The following TRIM66 variants were observed in gnomAD, a reference collection of about 807,000 sequenced individuals.
The protein encoded by TRIM66 is tripartite motif containing 66, also known as tripartite motif-containing protein 66.
A neutral mutation model predicts 148.2 loss-of-function variants in TRIM66; 99 were observed. The observed-to-expected ratio is 0.67, with a 90% CI of 0.57 to 0.79. The LOEUF (loss-of-function observed/expected upper bound fraction) is 0.79, where lower values mean the gene tolerates loss of function less well. Among genes scored for constraint, TRIM66 ranks in the 30% least tolerant of loss-of-function variants. TRIM66 has a pLI of 0.00. For synonymous variants in TRIM66, 616 were observed against 635.9 expected (o/e 0.97, Z 0.47); for missense variants, 1,666 against 1,697.9 (o/e 0.98, Z 0.33).
intron 6 of TRIM66, among the ~76,000 whole-genome samples, chr11:8,665,014 G>A (rs1351715037): frequency 2.6e-5 from 4 of 151,984 alleles, no homozygotes; most frequent in Non-Finnish European, 5.9e-5. Flanking sequence ...CCCATGTAGC[G>A]TGGCTCCATC....
At chr11:8,667,176 C>G (rs958299412) in intron 6 of TRIM66, among the ~76,000 whole-genome samples, 2 of 152,088 alleles carry the variant, frequency 1.3e-5, no homozygotes, top group African/African-American at 4.8e-5. Flanking sequence ...TTGACACATG[C>G]ATAATTCATT....
Position 8,617,956 on chromosome 11 carries a change from G to C in TRIM66, c.4167C>G (p.Ile1389Met), listed in dbSNP as rs1309161439. The C allele has an allele frequency of 1.3e-6, 2 of 1,551,616 alleles. No individual in the cohort carries two copies. Among genetic ancestry groups the C allele is most frequent in the Non-Finnish European group, 1.7e-6 (2 of 1,147,006 alleles). ...CTCCTTTTGGCTCTCACACCTGAGA[G>C]ATGCTGTTGGCCAGGCGAAATGACA... The part of the protein sequence containing the change: ...KRMSFRLANS[I>M]SQV Residue 1389 changes from isoleucine to methionine, a missense_variant, in exon 25 of 25, where the codon ATC becomes ATG. Transcript: ENST00000646038.
Position 8,640,919 on chromosome 11 carries a change from T to C in TRIM66, c.1456A>G (p.Ile486Val). Residue 486 changes from isoleucine to valine, a missense_variant, in exon 14 of 25, where the codon ATA (isoleucine) becomes GTA (valine). Transcript: ENST00000646038. ...TGCCTGAAGCTGTGGGCTGGGTGTA[T>C]GCTGGGTGGGGGGACCTGGCCTTTG... ...SLKGQVPPPS[I>V]HPAHSFRQPP... 3.9e-6 allele frequency: 6 copies of C among 1,550,524 alleles called. No homozygotes were observed. The highest frequency in any genetic ancestry group is 4.4e-6 in the Non-Finnish European group (5 of 1,146,890).
chr11:8,682,477 T>G (rs2039486706), intron 1 of TRIM66, 124 bp downstream of exon 1: 1 of 420,344 alleles, frequency 2.4e-6, no homozygotes, highest in Non-Finnish European at 4.3e-6. Context: ...GCTTAGGCGG[T>G]TCCCTGACCA....
intron 6 of TRIM66, 21 bp downstream of exon 6, chr11:8,671,765 T>C: frequency 9.4e-7 from 1 of 1,065,416 alleles, no homozygotes; most frequent in Non-Finnish European, 1.4e-6. Flanking sequence ...GGAGGTGAAC[T>C]TGTGGTGCCT....
chr11:8,619,240 AAC>A, intron 23 of TRIM66, 141 bp downstream of exon 23: 1 of 1,005,446 alleles, frequency 9.9e-7, no homozygotes, highest in South Asian at 1.8e-5. Flanking sequence ...AGAGCTTTTA[AAC>A]ACTCACCACA....
At chr11:8,658,421 C>T (rs2038014312) in intron 6 of TRIM66, among the ~76,000 whole-genome samples, 1 of 152,170 alleles carries the variant, frequency 6.6e-6, no homozygotes, top group Admixed American at 6.5e-5. Flanking sequence ...AGGACTCCAT[C>T]CAAAAATCCT....
rs2033772169 is a variant in TRIM66 at position 8,617,134 on chromosome 11, C to T, written c.*810G>A. 1 of 152,242 alleles carries T rather than the reference C, an allele frequency of 6.6e-6. No individual in the cohort carries two copies. Among genetic ancestry groups the T allele is most frequent in the African/African-American group, 2.4e-5 (1 of 41,432 alleles). 9.4% of individuals were successfully genotyped at this position (152,242 alleles called of 1,614,324 possible). ...TCACTTCTAGGAAGGCAGGTTCTCA[C>T]CCTAAAGAAGTGTGATTAGCCCAGA... On this transcript the variant is annotated 3_prime_UTR_variant, in exon 25 of 25. Transcript: ENST00000646038.
chr11:8,660,716 G>A (rs1032397032), intron 6 of TRIM66, among the ~76,000 whole-genome samples: 1 of 152,158 alleles, frequency 6.6e-6, no homozygotes, highest in African/African-American at 2.4e-5. Context: ...CTGATTACGG[G>A]GATTTTGCTT....
At chr11:8,643,148 A>C in intron 12 of TRIM66, 22 bp from the exon 13 acceptor site, 11 of 1,543,512 alleles carry the variant, frequency 7.1e-6, no homozygotes, top group Non-Finnish European at 8.8e-6. Flanking sequence ...ACCAAAGGTC[A>C]TTTATTTGGG....
chr11:8,636,261 C>T (rs1412979444), intron 15 of TRIM66, among the ~76,000 whole-genome samples: 1 of 152,034 alleles, frequency 6.6e-6, no homozygotes, highest in Non-Finnish European at 1.5e-5. Flanking sequence ...CTAGCCACCC[C>T]CACCCCTTCC....
chr11:8,614,275 G>A lies in TRIM66; in HGVS notation c.*3669C>T, dbSNP rs1288426742. The A allele has an allele frequency of 1.3e-5, 2 of 152,120 alleles. No homozygotes were observed. Among genetic ancestry groups the A allele is most frequent in the Non-Finnish European group, 2.9e-5 (2 of 68,094 alleles). 9.4% of individuals were successfully genotyped at this position (152,120 alleles called of 1,614,324 possible). On this transcript the variant is annotated 3_prime_UTR_variant, in exon 25 of 25. Transcript: ENST00000646038. ...GATCACCTGAGCCCAGAAGGCAGAG[G>A]TTGCAATGAGCCGACATCATACCAC...
chr11:8,649,653 CA>C, intron 8 of TRIM66, 86 bp downstream of exon 8: 2 of 1,477,264 alleles, frequency 1.4e-6, no homozygotes, highest in Admixed American at 4.5e-5. Context: ...AGCAAGAAAA[CA>C]AGATCGGAGA....
chr11:8,682,952 G>A, upstream of TRIM66: 1 of 1,223,804 alleles, frequency 8.2e-7, no homozygotes, highest in Middle Eastern at 2.0e-4. Context: ...GGGCAGGGTG[G>A]CCGGCGCGGG....
intron 8 of TRIM66, 101 bp downstream of exon 8, chr11:8,649,639 C>G (rs967654585): frequency 6.9e-7 from 1 of 1,445,562 alleles, no homozygotes; most frequent in African/African-American, 1.4e-5. Flanking sequence ...CTACCTTCTC[C>G]CCCAGCAAGA....
Position 8,672,063 on chromosome 11 carries a change from T to C in TRIM66, c.63A>G (p.Ser21=). The change falls in exon 6 of 25, where the codon TCA becomes TCG. Residue 21 remains serine (S), a synonymous_variant. Transcript: ENST00000646038. ...GGGCTTTTCCACTGATATCCTCAGGTGAGAAGCAGCGTGTAGAGCGAGCCA... is the reference window on the plus strand; with the variant it reads ...GGGCTTTTCCACTGATATCCTCAGGCGAGAAGCAGCGTGTAGAGCGAGCCA... ...VELARSTRCF[S]PEDISGKAPV... is the part of the protein sequence containing the mutation. 6.5e-7 allele frequency: 1 copy of C among 1,535,480 alleles called. No individual in the cohort carries two copies. Among genetic ancestry groups the C allele is most frequent in the Non-Finnish European group, 8.7e-7 (1 of 1,146,772 alleles).
At chr11:8,623,530 A>G (rs1210574310) in intron 17 of TRIM66, among the ~76,000 whole-genome samples, 1 of 152,152 alleles carries the variant, frequency 6.6e-6, no homozygotes, top group Non-Finnish European at 1.5e-5. Context: ...AGTCAGTGTG[A>G]AAAAAAAGGA....
Position 8,617,880 on chromosome 11 carries a change from A to T in TRIM66, c.*64T>A. ...CACTCTGAAGAGGATAAGCTGCAAGATGGGGAGGAATGGTCGACAGTATGG... is the reference window on the plus strand; with the variant it reads ...CACTCTGAAGAGGATAAGCTGCAAGTTGGGGAGGAATGGTCGACAGTATGG... On this transcript the variant is annotated 3_prime_UTR_variant, in exon 25 of 25. Coordinates refer to ENST00000646038, the MANE Select transcript of TRIM66 (RefSeq NM_001388022.1). The T allele has an allele frequency of 6.2e-6, 9 of 1,460,702 alleles. No homozygotes were observed. Among genetic ancestry groups the T allele is most frequent in the Non-Finnish European group, 6.6e-6 (7 of 1,064,312 alleles). The allele number at this position is 1,460,702 out of a possible 1,614,324, so 90.5% of individuals were successfully genotyped here.
At position 8,671,819 on chromosome 11, in the gene TRIM66, G is replaced by A; in HGVS notation, c.307C>T (p.Gln103Ter). Residue 103 changes from glutamine to a stop codon, truncating the protein, a stop_gained, in exon 6 of 25, where the codon CAG becomes TAG. Coordinates refer to ENST00000646038, the MANE Select transcript of TRIM66 (RefSeq NM_001388022.1). LOFTEE classifies it high-confidence loss of function. ...CFQGLIQELG[Q>*]IAKAHETVAD... ...ACAGTCTCATGAGCCTTGGCAATCT[G>A]CCCTAGCTCCTGTATCAAGCCCTGG... The A allele has an allele frequency of 1.3e-6, 2 of 1,509,420 alleles. No homozygotes were observed. The highest frequency in any genetic ancestry group is 1.8e-6 in the Non-Finnish European group (2 of 1,122,558). 93.5% of individuals were successfully genotyped at this position (1,509,420 alleles called of 1,614,324 possible).
Sources: allele counts gnomAD v4.1 joint callset (sites outside exome capture counted in the v4.1 genomes callset), GRCh38; gene constraint gnomAD v4.1.1; transcripts MANE v1.5; gene names NCBI Gene and HGNC (gene_info 2026-07-23, HGNC 2026-07-21).